The following NUBPL variants were observed in gnomAD, a reference collection of about 807,000 sequenced individuals.
NUBPL encodes iron-sulfur cluster transfer protein NUBPL.
In NUBPL, 31 loss-of-function variants were observed where a neutral mutation model predicts 45.7. The ratio of observed to expected loss-of-function variants is 0.68; its 90% CI spans 0.51 to 0.92. The LOEUF is 0.92. Ranked by LOEUF, NUBPL falls within the 40% of genes least tolerant of loss-of-function variation. The pLI, the probability that NUBPL is intolerant of heterozygous loss-of-function variation, is 0.00. For synonymous variants in NUBPL, 144 were observed against 140.9 expected, an observed-to-expected ratio of 1.02 and a Z score of -0.15; for missense variants, 401 against 398.7, an observed-to-expected ratio of 1.01 and a Z score of -0.05.
At chr14:31,740,041 TTATC>T (rs1245437646) in intron 6 of NUBPL, among the ~76,000 whole-genome samples, 15 of 152,230 alleles carry the variant, frequency 9.9e-5, no homozygotes, top group Admixed American at 2.0e-4. Context: ...ATATCACAGT[TTATC>T]TAGCCACCCA....
intron 6 of NUBPL, among the ~76,000 whole-genome samples, chr14:31,776,343 A>C (rs753091440): frequency 2.6e-5 from 4 of 152,214 alleles, no homozygotes; most frequent in Non-Finnish European, 5.9e-5. Flanking sequence ...AACTGTCACC[A>C]AACCAAACTA....
chr14:31,814,839 A>G (rs1410827614), intron 7 of NUBPL, among the ~76,000 whole-genome samples: 3 of 152,108 alleles, frequency 2.0e-5, no homozygotes, highest in Non-Finnish European at 4.4e-5. Flanking sequence ...TAAAGATCAG[A>G]TGGTTGTAGA....
At chr14:31,858,744 C>G (rs74468004) in intron 10 of NUBPL, among the ~76,000 whole-genome samples, 5 of 152,112 alleles carry the variant, frequency 3.3e-5, no homozygotes, top group Non-Finnish European at 4.4e-5. Context: ...ACTAACAGCT[C>G]TTATGCTAAA....
chr14:31,738,879 G>A (rs2038216374), intron 6 of NUBPL, among the ~76,000 whole-genome samples: 1 of 152,122 alleles, frequency 6.6e-6, no homozygotes, highest in East Asian at 1.9e-4. Context: ...GAAAATAGGG[G>A]AAAAGTCTGT....
At chr14:31,759,801 T>G (rs985703712) in intron 6 of NUBPL, among the ~76,000 whole-genome samples, 3 of 150,974 alleles carry the variant, frequency 2.0e-5, no homozygotes, top group Non-Finnish European at 2.9e-5. Context: ...AGTATGGTAT[T>G]CAGTACATTA....
intron 4 of NUBPL, among the ~76,000 whole-genome samples, chr14:31,620,116 G>T (rs2035019901): frequency 1.3e-5 from 2 of 151,822 alleles, no homozygotes; most frequent in South Asian, 4.2e-4. Context: ...TTCTTGTGCT[G>T]TGTTTTTCAG....
At chr14:31,668,600 T>TA (rs1250613852) in intron 4 of NUBPL, among the ~76,000 whole-genome samples, 1 of 151,808 alleles carries the variant, frequency 6.6e-6, no homozygotes, top group African/African-American at 2.4e-5. Context: ...GCCATTGGGG[T>TA]ATGAAAAAAC....
In NUBPL at chr14:31,836,437, T is replaced by C. The variant is rs563164733; in HGVS notation, c.693+9723T>C. ...CTAATGTTTCTGCTATTAAAGGATATACACAATAGCTCTACAATAAATACA... is the reference window on the plus strand; with the variant it reads ...CTAATGTTTCTGCTATTAAAGGATACACACAATAGCTCTACAATAAATACA... On this transcript the variant is annotated intron_variant, in intron 8 of 10. Transcript: ENST00000281081. 5.3e-5 allele frequency among the ~76,000 whole-genome samples: 8 copies of C among 152,302 alleles called. No homozygotes were observed. The East Asian group carries it at 1.5e-3, about 29-fold the overall frequency.
intron 6 of NUBPL, among the ~76,000 whole-genome samples, chr14:31,782,853 T>C (rs1016970021): frequency 1.3e-5 from 2 of 152,236 alleles, no homozygotes; most frequent in African/African-American, 4.8e-5. Flanking sequence ...ATATCAGTCT[T>C]TTATAAATAA....
Position 31,567,058 on chromosome 14 carries a change from T to C in NUBPL, c.291+2010T>C, listed in dbSNP as rs555578948. ...TGCTTATTTCTTTAATTTCCAAAAG[T>C]GTCTTTAATTTATATTCGTTATTTG... On this transcript the variant is annotated intron_variant, in intron 3 of 10. Coordinates refer to ENST00000281081, the MANE Select transcript of NUBPL (RefSeq NM_025152.3). Among the ~76,000 whole-genome samples the C allele has an allele frequency of 4.6e-5, 7 of 152,278 alleles. No individual in the cohort carries two copies. In the South Asian group the frequency reaches 1.4e-3, roughly 32 times the overall value.
intron 6 of NUBPL, among the ~76,000 whole-genome samples, chr14:31,754,437 T>C (rs114733244): frequency 1.5e-3 from 229 of 152,208 alleles, no homozygotes; most frequent in Middle Eastern, 0.014. Flanking sequence ...AGTGAAACTA[T>C]GAGAATGCAA....
rs181498659 is a variant in NUBPL at position 31,604,962 on chromosome 14, C to A, written c.382+5583C>A. Among the ~76,000 whole-genome samples the A allele has an allele frequency of 2.2e-3, 329 of 152,230 alleles. 1 individual carries two copies. Among genetic ancestry groups the A allele is most frequent in the African/African-American group, 7.6e-3 (314 of 41,544 alleles). ...GCCAGTTTGTAGAAAGGGCATTATG[C>A]AAAAGCATCAACAGGCTGACATTAT... On this transcript the variant is annotated intron_variant, in intron 4 of 10. Coordinates refer to ENST00000281081, the MANE Select transcript of NUBPL (RefSeq NM_025152.3).
Position 31,561,481 on chromosome 14 carries a change from G to T in NUBPL, c.42G>T (p.Ser14=). ...WQRLLLFGGV[S]LRAGGGATAP... ...GTCTGCTGCTTTTTGGTGGGGTGTC[G>T]CTCCGGGCTGGTGGCGGGGCCACTG... Residue 14 remains serine, a synonymous_variant, in exon 1 of 11, where the codon TCG becomes TCT. Coordinates refer to ENST00000281081, the MANE Select transcript of NUBPL (RefSeq NM_025152.3). 1.4e-6 allele frequency: 2 copies of T among 1,408,732 alleles called. No homozygotes were observed. Among genetic ancestry groups the T allele is most frequent in the East Asian group, 5.5e-5 (2 of 36,486 alleles). The allele number at this position is 1,408,732 out of a possible 1,614,324, so 87.3% of individuals were successfully genotyped here. A position where few individuals can be genotyped will look rare whatever the true frequency, so the allele number is the denominator to read the frequency against.
intron 3 of NUBPL, among the ~76,000 whole-genome samples, chr14:31,596,741 T>A (rs2034294398): frequency 6.6e-6 from 1 of 152,240 alleles, no homozygotes; most frequent in Non-Finnish European, 1.5e-5. Context: ...CCCATTCTAC[T>A]TCATTTTAAG....
At chr14:31,781,551 A>C (rs1333392559) in intron 6 of NUBPL, among the ~76,000 whole-genome samples, 1 of 152,236 alleles carries the variant, frequency 6.6e-6, no homozygotes, top group African/African-American at 2.4e-5. Flanking sequence ...ATGGCTATTA[A>C]AGAAACAGAC....
intron 4 of NUBPL, among the ~76,000 whole-genome samples, chr14:31,650,086 C>T (rs1043961269): frequency 3.2e-4 from 48 of 152,006 alleles, no homozygotes; most frequent in Non-Finnish European, 6.0e-4. Flanking sequence ...CACAAACTCC[C>T]GACCTCAGGT....
chr14:31,637,266 C>G (rs1340217323), intron 4 of NUBPL, among the ~76,000 whole-genome samples: 1 of 152,150 alleles, frequency 6.6e-6, no homozygotes, highest in Non-Finnish European at 1.5e-5. Context: ...TTGAATGTGT[C>G]CCAGAGATTC....
intron 7 of NUBPL, among the ~76,000 whole-genome samples, chr14:31,823,417 A>T (rs887130183): frequency 6.6e-6 from 1 of 152,162 alleles, no homozygotes; most frequent in Non-Finnish European, 1.5e-5. Flanking sequence ...GAAAGCTAAG[A>T]ATACTTTTTA....
At chr14:31,828,391 C>T (rs1042586506) in intron 8 of NUBPL, among the ~76,000 whole-genome samples, 1 of 152,026 alleles carries the variant, frequency 6.6e-6, no homozygotes, top group Non-Finnish European at 1.5e-5. Flanking sequence ...ATCTATAATC[C>T]TTCTTTCTGG....
Sources: allele counts gnomAD v4.1 joint callset (sites outside exome capture counted in the v4.1 genomes callset), GRCh38; gene constraint gnomAD v4.1.1; transcripts MANE v1.5; gene names NCBI Gene and HGNC (gene_info 2026-07-23, HGNC 2026-07-21).